PLEKHG2: variants seen among roughly 807,000 people sequenced by gnomAD.
PLEKHG2 encodes pleckstrin homology and RhoGEF domain containing G2.
Under a neutral mutation model 104.4 loss-of-function variants are expected in PLEKHG2, and 71 were observed. That is an observed-to-expected ratio of 0.68 (90% confidence interval 0.56 to 0.83). The LOEUF (loss-of-function observed/expected upper bound fraction) is 0.83. Among genes scored for constraint, PLEKHG2 ranks in the 40% least tolerant of loss-of-function variants. The pLI is 0.00. For synonymous variants in PLEKHG2, 728 were observed against 737.0 expected (o/e 0.99, Z 0.20); for missense variants, 1,730 against 1,809.4 (o/e 0.96, Z 0.80).
chr19:39,421,352 G>T (rs1377483876), intron 16 of PLEKHG2, 53 bp downstream of exon 16: 2 of 1,583,200 alleles, frequency 1.3e-6, no homozygotes, highest in African/African-American at 2.7e-5. Context: ...GGGTCTGATG[G>T]AGAAGGGAGC....
Position 39,425,266 on chromosome 19 carries a change from G to T in PLEKHG2, c.4133G>T (p.Gly1378Val). 1 of 1,612,814 alleles carries T rather than the reference G, an allele frequency of 6.2e-7. No homozygotes were observed. Among genetic ancestry groups the T allele is most frequent in the African/African-American group, 1.3e-5 (1 of 75,002 alleles). ...TCTATGGGCCTTCACAGGGCCCAGG[G>T]GGCTCCTGATGCCCCCTTCCACATG... is the stretch of plus-strand genomic sequence containing the variant. ...QESMGLHRAQGAPDAPFHM is the reference protein window; with the variant it reads ...QESMGLHRAQVAPDAPFHM Residue 1378 changes from glycine to valine, a missense_variant, in exon 19 of 19, where the codon GGG becomes GTG. Transcript: ENST00000425673.
Position 39,423,269 on chromosome 19 carries a change from G to C in PLEKHG2, c.2215G>C (p.Val739Leu). 2.5e-6 allele frequency: 4 copies of C among 1,614,066 alleles called. No homozygotes were observed. Among genetic ancestry groups the C allele is most frequent in the Non-Finnish European group, 2.5e-6 (3 of 1,179,892 alleles). Residue 739 changes from valine (V) to leucine (L), a missense_variant, in exon 18 of 19, where the codon GTA (valine) becomes CTA (leucine). By Grantham distance (32) the Val-to-Leu change is conservative. Transcript: ENST00000425673. ...AGGGCCAGAGGAGGATGAAGAAGGGGTATCATTCACAGACTTCCAGCCCCA... is the reference window on the plus strand; with the variant it reads ...AGGGCCAGAGGAGGATGAAGAAGGGCTATCATTCACAGACTTCCAGCCCCA... ...KAGPEEDEEG[V>L]SFTDFQPQDV...
Position 39,413,866 on chromosome 19 carries a change from C to T in PLEKHG2, c.-22-199C>T. ...TCCTGCTCCGCTCACTCTTCTTTGT[C>T]TCAGCCTTTCCATCTTTTTCGCCAG... On this transcript the variant is annotated intron_variant, in intron 1 of 18. Transcript: ENST00000425673. The surrounding 1 kb of genome is among the most constrained non-coding windows in gnomAD (Gnocchi z 4.5). 1 of 451,752 alleles carries T rather than the reference C, an allele frequency of 2.2e-6. No individual in the cohort carries two copies. The highest frequency in any genetic ancestry group is 2.0e-5 in the African/African-American group (1 of 50,432). 28.0% of individuals were successfully genotyped at this position (451,752 alleles called of 1,614,324 possible).
At chr19:39,418,365 G>A (rs939379868) in intron 9 of PLEKHG2, among the ~76,000 whole-genome samples, 3 of 152,060 alleles carry the variant, frequency 2.0e-5, no homozygotes, top group African/African-American at 7.2e-5. Context: ...GATCACTTGA[G>A]GTCAGGAGTT....
chr19:39,417,382 G>A (rs966928176), intron 7 of PLEKHG2, among the ~76,000 whole-genome samples, 173 bp from the exon 8 acceptor site: 1 of 150,948 alleles, frequency 6.6e-6, no homozygotes, highest in African/African-American at 2.4e-5. Flanking sequence ...CGAACTCCTG[G>A]CCTCAGGTGA....
intron 11 of PLEKHG2, among the ~76,000 whole-genome samples, chr19:39,420,356 G>A (rs906880402): frequency 8.7e-5 from 13 of 148,682 alleles, no homozygotes; most frequent in Middle Eastern, 3.4e-3. Flanking sequence ...CAAAATCTCC[G>A]TCTCAAAAAA....
rs2078582121 is a variant in PLEKHG2, at chr19:39,415,158, G to A, written c.276G>A (p.Val92=). The change falls in exon 3 of 19, where the codon GTG becomes GTA. Residue 92 remains valine (V), a synonymous_variant. Transcript: ENST00000425673. This position sits in a 1 kb window ranked among gnomAD's most constrained non-coding sequence, Gnocchi z 4.6. ...CCATCCGCCTACATCTCTCTCCGGT[G>A]GGGATCCCAGGTTCAGCCAGACCCT... ...GPPIRLHLSP[V]GIPGSARPSR... 3.1e-6 allele frequency: 5 copies of A among 1,598,544 alleles called. No individual in the cohort carries two copies. The East Asian group carries it at 1.1e-4, about 36-fold the overall frequency.
In PLEKHG2 at chr19:39,424,197, T is replaced by C; in HGVS notation, c.3064T>C (p.Leu1022=). Reference sequence around the variant, plus strand: ...CATCCACGTTCCCACCACTCCAGCTTTGCCCAAGGAGATTTGTTCTGATTT... The same window carrying C: ...CATCCACGTTCCCACCACTCCAGCTCTGCCCAAGGAGATTTGTTCTGATTT... ...ADIHVPTTPA[L]PKEICSDFTV... The change falls in exon 19 of 19, where the codon TTG becomes CTG. Residue 1022 remains leucine, a synonymous_variant. Coordinates refer to ENST00000425673, the MANE Select transcript of PLEKHG2 (RefSeq NM_022835.3). 6.2e-7 allele frequency: 1 copy of C among 1,614,042 alleles called. No individual in the cohort carries two copies. Among genetic ancestry groups the C allele is most frequent in the South Asian group, 1.1e-5 (1 of 91,068 alleles).
At chr19:39,422,596 C>T in intron 17 of PLEKHG2, 136 bp from the exon 18 acceptor site, 1 of 1,125,194 alleles carries the variant, frequency 8.9e-7, no homozygotes, top group East Asian at 2.8e-5. Context: ...ACTATGTTGG[C>T]CAGGCTGGTC....
chr19:39,425,156 C>T lies in PLEKHG2; in HGVS notation c.4023C>T (p.Ile1341=), dbSNP rs897907395. ...RRLSYATTVN[I]HVGGGGRLRP... ...TCAGCTATGCCACGACGGTTAACAT[C>T]CACGTGGGCGGGGGTGGGCGGCTGC... is the stretch of plus-strand genomic sequence containing the variant. Residue 1341 remains isoleucine, a synonymous_variant, in exon 19 of 19, where the codon ATC becomes ATT. Coordinates refer to ENST00000425673, the MANE Select transcript of PLEKHG2 (RefSeq NM_022835.3). 2.5e-6 allele frequency: 4 copies of T among 1,595,572 alleles called. No homozygotes were observed. The African/African-American group carries it at 5.4e-5, about 22-fold the overall frequency.
chr19:39,415,318 T>C lies in PLEKHG2; in HGVS notation c.379-21T>C. ...ACCCAGGCCAGCCCCTTGGCCCCCA[T>C]AACCCCAGTCATCCCAACAGGACTA... On this transcript the variant is annotated intron_variant, in intron 3 of 18. Coordinates refer to ENST00000425673, the MANE Select transcript of PLEKHG2 (RefSeq NM_022835.3). The surrounding 1 kb of genome is among the most constrained non-coding windows in gnomAD (Gnocchi z 4.6). 1 of 1,612,324 alleles carries C rather than the reference T, an allele frequency of 6.2e-7. No homozygotes were observed. The highest frequency in any genetic ancestry group is 8.5e-7 in the Non-Finnish European group (1 of 1,179,026).
At chr19:39,418,503 C>T (rs2078645214) in intron 9 of PLEKHG2, among the ~76,000 whole-genome samples, 1 of 151,628 alleles carries the variant, frequency 6.6e-6, no homozygotes, top group African/African-American at 2.4e-5. Flanking sequence ...TACTTGAACC[C>T]AGGAGGCGGA....
Position 39,423,919 on chromosome 19 carries a change from G to A in PLEKHG2, c.2786G>A (p.Gly929Asp), listed in dbSNP as rs1160322725. Residue 929 changes from glycine (G) to aspartate (D), a missense_variant, in exon 19 of 19, where the codon GGC becomes GAC. Gly to Asp is a moderately conservative substitution (Grantham distance 94). Transcript: ENST00000425673. ...VSNLPKQDLPGIHVSAATLLP... is the reference protein window; with the variant it reads ...VSNLPKQDLPDIHVSAATLLP... ...AATTTGCCTAAGCAAGACCTTCCGG[G>A]CATCCACGTTTCAGCTGCTACCCTT... is the stretch of plus-strand genomic sequence containing the variant. The A allele has an allele frequency of 1.9e-6, 3 of 1,614,064 alleles. No individual in the cohort carries two copies. The highest frequency in any genetic ancestry group is 2.5e-6 in the Non-Finnish European group (3 of 1,180,010).
rs763095978 is a variant in PLEKHG2 at position 39,424,789 on chromosome 19, G to A, written c.3656G>A (p.Gly1219Asp). The change falls in exon 19 of 19, where the codon GGC becomes GAC. Residue 1219 changes from glycine (G) to aspartate (D), a missense_variant. Physicochemically the swap from Gly to Asp is moderately conservative, Grantham distance 94 (BLOSUM62 -1). Coordinates refer to ENST00000425673, the MANE Select transcript of PLEKHG2 (RefSeq NM_022835.3). ...PAATPLPERG[G>D]SLDIQGLSPT... ...GCCACACCTTTACCTGAGAGAGGAG[G>A]CTCTCTAGACATTCAGGGCCTCTCA... The A allele has an allele frequency of 6.2e-7, 1 of 1,613,988 alleles. No individual in the cohort carries two copies.
Position 39,418,095 on chromosome 19 carries a change from G to T in PLEKHG2, c.1073G>T (p.Gly358Val), listed in dbSNP as rs185199326. Residue 358 changes from glycine (G) to valine (V), a missense_variant, in exon 9 of 19, where the codon GGC becomes GTC. Physicochemically the swap from Gly to Val is moderately radical, Grantham distance 109. Transcript: ENST00000425673. ...AGGGGGCTGGAGTACACCTACAAAGGCCACATCTTCGTGAGTTTGGGGATG... is the reference window on the plus strand; with the variant it reads ...AGGGGGCTGGAGTACACCTACAAAGTCCACATCTTCGTGAGTTTGGGGATG... ...KRRGLEYTYK[G>V]HIFCCNLSVS... is the part of the protein sequence containing the mutation. 1 of 1,507,444 alleles carries T rather than the reference G, an allele frequency of 6.6e-7. No individual in the cohort carries two copies. The highest frequency in any genetic ancestry group is 1.4e-5 in the South Asian group (1 of 73,936). The allele number at this position is 1,507,444 out of a possible 1,614,324, so 93.4% of individuals were successfully genotyped here.
Position 39,420,860 on chromosome 19 carries a change from C to A in PLEKHG2, c.1399+8C>A. 6.2e-7 allele frequency: 1 copy of A among 1,614,114 alleles called. No individual in the cohort carries two copies. The highest frequency in any genetic ancestry group is 1.1e-5 in the South Asian group (1 of 91,080). Reference sequence around the variant, plus strand: ...CTGGGCGAAGGAACACAGGTAAAGGCGGTGGATCCCTGAGTCCCAGCCCTC... The same window carrying A: ...CTGGGCGAAGGAACACAGGTAAAGGAGGTGGATCCCTGAGTCCCAGCCCTC... On this transcript the variant is annotated splice_region_variant and intron_variant, in intron 13 of 18. Transcript: ENST00000425673.
chr19:39,422,214 C>A lies in PLEKHG2; in HGVS notation c.1603C>A (p.Leu535Met). The change falls in exon 17 of 19, where the codon CTG becomes ATG. Residue 535 changes from leucine (L) to methionine (M), a missense_variant. Transcript: ENST00000425673. ...EDLEDAGPPT[L>M]DPSGTSITEE... Reference sequence around the variant, plus strand: ...CCTGGAGGATGCTGGACCCCCAACACTGGACCCCTCTGGGACCTCAATCAC... The same window carrying A: ...CCTGGAGGATGCTGGACCCCCAACAATGGACCCCTCTGGGACCTCAATCAC... The A allele has an allele frequency of 6.2e-7, 1 of 1,613,922 alleles. No homozygotes were observed. Among genetic ancestry groups the A allele is most frequent in the South Asian group, 1.1e-5 (1 of 90,998 alleles).
Position 39,414,185 on chromosome 19 carries a change from G to A in PLEKHG2, c.99G>A (p.Glu33=), listed in dbSNP as rs2078564485. The A allele has an allele frequency of 6.4e-7, 1 of 1,551,354 alleles. No homozygotes were observed. The highest frequency in any genetic ancestry group is 1.4e-5 in the African/African-American group (1 of 73,180). The part of the protein sequence containing the change: ...GEVCDCGTVC[E]TRTAPAAPTM... ...TGTGTGACTGTGGCACCGTGTGTGA[G>A]ACTCGGACAGGTGAGCCTAGAGGCA... is the stretch of plus-strand genomic sequence containing the variant. The change falls in exon 2 of 19, where the codon GAG becomes GAA. Residue 33 remains glutamate, a synonymous_variant. Coordinates refer to ENST00000425673, the MANE Select transcript of PLEKHG2 (RefSeq NM_022835.3).
At position 39,416,526 on chromosome 19, in the gene PLEKHG2, T is replaced by A. The variant is rs1247826328; in HGVS notation, c.547-25T>A. On this transcript the variant is annotated intron_variant, in intron 5 of 18. Coordinates refer to ENST00000425673, the MANE Select transcript of PLEKHG2 (RefSeq NM_022835.3). The surrounding 1 kb of genome is among the most constrained non-coding windows in gnomAD (Gnocchi z 4.5). ...TCGTGGGAAGCCAGGACCTGGGGTCTCCCTGACTCCCATGTCACCCGCAGA... is the reference window on the plus strand; with the variant it reads ...TCGTGGGAAGCCAGGACCTGGGGTCACCCTGACTCCCATGTCACCCGCAGA... The A allele has an allele frequency of 6.2e-7, 1 of 1,613,702 alleles. No homozygotes were observed. The highest frequency in any genetic ancestry group is 8.5e-7 in the Non-Finnish European group (1 of 1,179,828).
Sources: gnomAD v4.1 joint callset for allele counts (sites outside exome capture counted in the v4.1 genomes callset) on GRCh38, gnomAD v4.1.1 for gene constraint, Gnocchi (gnomAD v3.1) non-coding constraint, MANE v1.5 for transcripts, NCBI Gene and HGNC (gene_info 2026-07-23, HGNC 2026-07-21) for gene names.